Variants in CBFB observed in about 807,000 individuals in gnomAD.
The protein encoded by CBFB is CBF-beta.
In CBFB, 9 loss-of-function variants were observed where a neutral mutation model predicts 30.4. That is an observed-to-expected ratio of 0.30 (90% CI 0.18 to 0.52). The LOEUF (loss-of-function observed/expected upper bound fraction) is 0.52. Ranked by LOEUF, CBFB falls within the 20% of genes least tolerant of loss-of-function variation. The pLI is 0.97. For synonymous variants in CBFB, 94 were observed against 84.0 expected (o/e 1.12, Z -0.65); for missense variants, 170 against 244.0 (o/e 0.70, Z 2.02).
At chr16:67,037,943 A>G (rs1377471854) in intron 3 of CBFB, among the ~76,000 whole-genome samples, 2 of 152,126 alleles carry the variant, frequency 1.3e-5, no homozygotes, top group Non-Finnish European at 2.9e-5. Flanking sequence ...TGGTGGGATT[A>G]TAGGAGTGAG....
intron 3 of CBFB, among the ~76,000 whole-genome samples, chr16:67,042,513 C>G (rs1442393877): frequency 6.6e-6 from 1 of 152,142 alleles, no homozygotes; most frequent in Non-Finnish European, 1.5e-5. Context: ...TTCAGTCACC[C>G]CCCCAAAGGT....
Position 67,036,772 on chromosome 16 carries a change from T to C in CBFB, c.282+17T>C. On this transcript the variant is annotated intron_variant, in intron 3 of 5. Transcript: ENST00000412916. ...GCAGGCAAGGTAGGAAACATTTCTT[T>C]GCAATTTAAAATACTGTGGGTTGTT... 1 of 1,428,522 alleles carries C rather than the reference T, an allele frequency of 7.0e-7. No individual in the cohort carries two copies. Among genetic ancestry groups the C allele is most frequent in the South Asian group, 1.1e-5 (1 of 87,182 alleles). The allele number at this position is 1,428,522 out of a possible 1,614,324, so 88.5% of individuals were successfully genotyped here. A position where few individuals can be genotyped will look rare whatever the true frequency, so the allele number is the denominator to read the frequency against.
intron 5 of CBFB, among the ~76,000 whole-genome samples, chr16:67,094,382 C>G (rs915086021): frequency 1.3e-5 from 2 of 152,110 alleles, no homozygotes; most frequent in Non-Finnish European, 2.9e-5. Flanking sequence ...TTTCTTTACT[C>G]CTGTTCTCTG....
At chr16:67,083,262 T>C (rs1188984340) in intron 5 of CBFB, among the ~76,000 whole-genome samples, 1 of 152,032 alleles carries the variant, frequency 6.6e-6, no homozygotes, top group Admixed American at 6.6e-5. Flanking sequence ...ATCATGACTT[T>C]CTCATGATTT....
In CBFB at chr16:67,077,840, C is replaced by G. The variant is rs148054234; in HGVS notation, c.400-4373C>G. Among the ~76,000 whole-genome samples the G allele has an allele frequency of 1.4e-4, 21 of 152,318 alleles. No individual in the cohort carries two copies. In the East Asian group the frequency reaches 3.9e-3, roughly 28 times the overall value. Reference sequence around the variant, plus strand: ...ACTACAACAAGAGTGGTCGAATATTCTGTGTATGCTCTATGACAGAACTGC... The same window carrying G: ...ACTACAACAAGAGTGGTCGAATATTGTGTGTATGCTCTATGACAGAACTGC... On this transcript the variant is annotated intron_variant, in intron 4 of 5. Coordinates refer to ENST00000412916, the MANE Select transcript of CBFB (RefSeq NM_022845.3).
At chr16:67,086,101 G>T (rs1961726040) in intron 5 of CBFB, among the ~76,000 whole-genome samples, 1 of 152,146 alleles carries the variant, frequency 6.6e-6, no homozygotes, top group Non-Finnish European at 1.5e-5. Context: ...AAAATGGAGG[G>T]ATATATGTGA....
chr16:67,030,457 A>G (rs1022677944), intron 2 of CBFB, among the ~76,000 whole-genome samples: 3 of 152,036 alleles, frequency 2.0e-5, no homozygotes, highest in Non-Finnish European at 4.4e-5. Flanking sequence ...TCCTTGTTTT[A>G]GGAGGCAGAT....
intron 2 of CBFB, among the ~76,000 whole-genome samples, chr16:67,034,928 A>G (rs775516195): frequency 2.0e-5 from 3 of 152,162 alleles, no homozygotes; most frequent in Non-Finnish European, 2.9e-5. Context: ...GTACTGTTTT[A>G]AGCACTTTAC....
chr16:67,089,419 T>C (rs922102774), intron 5 of CBFB, among the ~76,000 whole-genome samples: 1 of 152,246 alleles, frequency 6.6e-6, no homozygotes, highest in African/African-American at 2.4e-5. Context: ...TTTCACTGTG[T>C]ATCTTCTGTA....
chr16:67,029,203 C>A lies in CBFB; in HGVS notation c.-205C>A. The A allele has an allele frequency of 4.4e-6, 1 of 228,928 alleles. No homozygotes were observed. The highest frequency in any genetic ancestry group is 8.0e-6 in the Non-Finnish European group (1 of 125,306). 14.2% of individuals were successfully genotyped at this position (228,928 alleles called of 1,614,324 possible). On this transcript the variant is annotated 5_prime_UTR_variant, in exon 1 of 6. Coordinates refer to ENST00000412916, the MANE Select transcript of CBFB (RefSeq NM_022845.3). ...GCAACGGCTGAGGCGGCGGCGGCGG[C>A]GGCGGCGGCGTGGGTTGGGCTCGAG...
At chr16:67,044,636 T>C (rs1480465155) in intron 3 of CBFB, among the ~76,000 whole-genome samples, 2 of 152,234 alleles carry the variant, frequency 1.3e-5, no homozygotes, top group Non-Finnish European at 2.9e-5. Context: ...CAGAATTTTA[T>C]TTTAAATGGC....
intron 5 of CBFB, among the ~76,000 whole-genome samples, chr16:67,094,322 C>T (rs1186658648): frequency 6.6e-6 from 1 of 151,998 alleles, no homozygotes; most frequent in Admixed American, 6.6e-5. Context: ...TTCCTCAGTG[C>T]CTTCACAATG....
intron 3 of CBFB, among the ~76,000 whole-genome samples, chr16:67,057,422 T>A (rs1459616263): frequency 1.3e-5 from 2 of 151,376 alleles, no homozygotes; most frequent in African/African-American, 2.4e-5. Context: ...TGTAATAGAA[T>A]TTTTTTTTAC....
intron 3 of CBFB, among the ~76,000 whole-genome samples, chr16:67,042,589 C>G (rs1966550508): frequency 6.6e-6 from 1 of 151,796 alleles, no homozygotes; most frequent in African/African-American, 2.4e-5. Context: ...CAGTGTCTCT[C>G]ATGAGGTTGC....
intron 2 of CBFB, 54 bp downstream of exon 2, chr16:67,029,867 C>A: frequency 3.8e-6 from 5 of 1,299,458 alleles, no homozygotes; most frequent in African/African-American, 1.6e-5. Flanking sequence ...GGGGCCGCGG[C>A]GGCCCAGGCC....
chr16:67,082,398 T>C (rs1961590933), intron 5 of CBFB, 90 bp downstream of exon 5: 4 of 1,450,810 alleles, frequency 2.8e-6, no homozygotes, highest in Non-Finnish European at 2.8e-6. Flanking sequence ...ATAATGCTTT[T>C]TAATAGTTTA....
At chr16:67,053,678 A>G (rs559389383) in intron 3 of CBFB, among the ~76,000 whole-genome samples, 8 of 151,998 alleles carry the variant, frequency 5.3e-5, no homozygotes, top group African/African-American at 1.9e-4. Context: ...GAGCACAGTC[A>G]TGAGTGGATT....
chr16:67,057,191 C>T (rs898920438), intron 3 of CBFB, among the ~76,000 whole-genome samples: 1 of 151,818 alleles, frequency 6.6e-6, no homozygotes. Flanking sequence ...CCATGTTGGC[C>T]AGGCTGGTCT....
At chr16:67,042,581 G>T (rs886552596) in intron 3 of CBFB, among the ~76,000 whole-genome samples, 4 of 151,954 alleles carry the variant, frequency 2.6e-5, no homozygotes, top group Non-Finnish European at 4.4e-5. Flanking sequence ...TTCTGCCTCA[G>T]TGTCTCTCAT....
Sources: gnomAD v4.1 joint callset for allele counts (sites outside exome capture counted in the v4.1 genomes callset) on GRCh38, gnomAD v4.1.1 for gene constraint, MANE v1.5 for transcripts, NCBI Gene and HGNC (gene_info 2026-07-23, HGNC 2026-07-21) for gene names.